The following NLRC5 variants were observed in gnomAD, a reference collection of about 807,000 sequenced individuals.
NLRC5 encodes the protein protein NLRC5.
Under a neutral mutation model 206.9 loss-of-function variants are expected in NLRC5, and 114 were observed. The observed-to-expected ratio is 0.55, with a 90% confidence interval of 0.47 to 0.64. The LOEUF (loss-of-function observed/expected upper bound fraction) is 0.64. NLRC5 is among the 30% of genes least tolerant of loss of function. NLRC5 has a pLI of 0.00. For synonymous variants in NLRC5, 952 were observed against 962.8 expected, an observed-to-expected ratio of 0.99 and a Z score of 0.21; for missense variants, 2,008 against 2,305.5, an observed-to-expected ratio of 0.87 and a Z score of 2.64.
At chr16:57,018,247 G>A (rs1411959833) in intron 2 of NLRC5, among the ~76,000 whole-genome samples, 2 of 151,412 alleles carry the variant, frequency 1.3e-5, no homozygotes, top group Non-Finnish European at 2.9e-5. Flanking sequence ...TCCTTTTGCC[G>A]AGATCACACA....
At position 57,026,550 on chromosome 16, in the gene NLRC5, C is replaced by CACT. The variant is rs1243047148; in HGVS notation, c.1608_1610dup (p.Leu537dup). 1 of 1,614,230 alleles carries CACT rather than the reference C, an allele frequency of 6.2e-7. No homozygotes were observed. The highest frequency in any genetic ancestry group is 1.1e-5 in the South Asian group (1 of 91,086). On this transcript the variant is annotated inframe_insertion, in exon 6 of 49. Coordinates refer to ENST00000688547, the MANE Select transcript of NLRC5 (RefSeq NM_001384950.1). ...GCCAGCCCCAAGGTGAACAAAGACA[C>CACT]ACTTACCCAGTATGTTACCCTCCAT...
chr16:57,047,613 G>T lies in NLRC5; in HGVS notation c.3407G>T (p.Gly1136Val). The change falls in exon 23 of 49, where the codon GGA (glycine) becomes GTA (valine). Residue 1136 changes from glycine to valine, a missense_variant. Coordinates refer to ENST00000688547, the MANE Select transcript of NLRC5 (RefSeq NM_001384950.1). ...RLCATLKDCPGPLELQLSCEF... is the reference protein window; with the variant it reads ...RLCATLKDCPVPLELQLSCEF... ...TGTGCCACTCTGAAGGACTGCCCGG[G>T]ACCCCTGGAACTGCAGTAAGTAACG... The T allele has an allele frequency of 1.2e-6, 2 of 1,613,244 alleles. No homozygotes were observed. Among genetic ancestry groups the T allele is most frequent in the Non-Finnish European group, 1.7e-6 (2 of 1,179,630 alleles).
intron 17 of NLRC5, 29 bp downstream of exon 17, chr16:57,040,747 T>C: frequency 6.2e-7 from 1 of 1,608,482 alleles, no homozygotes; most frequent in Non-Finnish European, 8.5e-7. Flanking sequence ...GCCCTGTGTG[T>C]GATTCCAGCC....
intron 27 of NLRC5, among the ~76,000 whole-genome samples, 166 bp from the exon 28 acceptor site, chr16:57,057,899 G>GTGGTGATGGTGGTGATAC (rs1165099413): frequency 3.3e-5 from 5 of 151,986 alleles, no homozygotes; most frequent in Non-Finnish European, 5.9e-5. Flanking sequence ...ATTGGTGGTG[G>GTGGTGATGGTGGTGATAC]TGGTGATGGT....
chr16:57,046,665 T>C, intron 22 of NLRC5, 24 bp downstream of exon 22: 2 of 1,602,354 alleles, frequency 1.2e-6, no homozygotes, highest in Non-Finnish European at 1.7e-6. Flanking sequence ...CCTTCTTGTT[T>C]GGGGGTAACC....
At chr16:57,077,475 C>T in intron 41 of NLRC5, 96 bp downstream of exon 41, 1 of 1,195,668 alleles carries the variant, frequency 8.4e-7, no homozygotes, top group Non-Finnish European at 1.2e-6. Context: ...TAAAATCTCC[C>T]CTGCGCCAAC....
rs1428109693 is a variant in NLRC5 at position 57,029,777 on chromosome 16, C to T, written c.2248C>T (p.Arg750Trp). ...TGGGCCTTGGTCTCCTCGCAGTTTT[C>T]GGGACAACCAGCTCAGTGACCAGGT... Reference protein sequence around the residue: ...LCPQLKEVSFRDNQLSDQVVL... With the variant: ...LCPQLKEVSFWDNQLSDQVVL... The change falls in exon 9 of 49, where the codon CGG (arginine) becomes TGG (tryptophan). Residue 750 changes from arginine (R) to tryptophan (W), a missense_variant. Coordinates refer to ENST00000688547, the MANE Select transcript of NLRC5 (RefSeq NM_001384950.1). 5.0e-6 allele frequency: 8 copies of T among 1,614,086 alleles called. No individual in the cohort carries two copies. The highest frequency in any genetic ancestry group is 1.3e-5 in the African/African-American group (1 of 75,042).
intron 1 of NLRC5, among the ~76,000 whole-genome samples, chr16:57,014,451 C>T (rs895083676): frequency 6.6e-6 from 1 of 152,118 alleles, no homozygotes; most frequent in Non-Finnish European, 1.5e-5. Flanking sequence ...GATAGAATTG[C>T]CTTTATTCGT....
At chr16:57,063,248 G>C (rs1353052786) in intron 32 of NLRC5, among the ~76,000 whole-genome samples, 1 of 151,652 alleles carries the variant, frequency 6.6e-6, no homozygotes, top group African/African-American at 2.4e-5. Flanking sequence ...GAGTAGCTGG[G>C]ATTACAGGCG....
chr16:57,044,311 A>AAAAAG (rs1555528755), intron 20 of NLRC5, among the ~76,000 whole-genome samples: 1 of 151,538 alleles, frequency 6.6e-6, no homozygotes, highest in Non-Finnish European at 1.5e-5. Flanking sequence ...TCTCAAAAAA[A>AAAAAG]AAAAGAAAAG....
At chr16:56,992,877 T>TTA (rs749336074) in intron 1 of NLRC5, among the ~76,000 whole-genome samples, 1 of 89,852 alleles carries the variant, frequency 1.1e-5, no homozygotes, top group Non-Finnish European at 3.0e-5. Context: ...TTAAATCTTA[T>TTA]TATATCATGT....
rs376682731 is a variant in NLRC5 at position 57,074,627 on chromosome 16, C to T, written c.4695C>T (p.Ser1565=). The change falls in exon 39 of 49, where the codon TCC becomes TCT. Residue 1565 remains serine, a synonymous_variant. Coordinates refer to ENST00000688547, the MANE Select transcript of NLRC5 (RefSeq NM_001384950.1). ...LDLSHLLLNS[S]TLALLTHRLS... ...TCAGTCACCTTCTGCTGAACAGCTC[C>T]ACCTTGGCCTTGCTTACTCACAGAC... 3 of 1,613,882 alleles carry T rather than the reference C, an allele frequency of 1.9e-6. No individual in the cohort carries two copies. The highest frequency in any genetic ancestry group is 2.5e-6 in the Non-Finnish European group (3 of 1,179,892).
chr16:57,044,116 G>A lies in NLRC5; in HGVS notation c.3203+512G>A, dbSNP rs140418286. On this transcript the variant is annotated intron_variant, in intron 20 of 48. Coordinates refer to ENST00000688547, the MANE Select transcript of NLRC5 (RefSeq NM_001384950.1). ...GAGTTTGAGAACAGCCTGGCCAACA[G>A]GGTGAAACCCTGTCTCTGCTAAAAA... Among the ~76,000 whole-genome samples, 1,011 of 150,338 alleles carry A rather than the reference G, an allele frequency of 6.7e-3. 13 individuals are homozygous for A. Among genetic ancestry groups the A allele is most frequent in the African/African-American group, 0.018 (719 of 40,764 alleles).
chr16:57,012,375 C>T (rs980098021), intron 1 of NLRC5, among the ~76,000 whole-genome samples: 3 of 152,092 alleles, frequency 2.0e-5, no homozygotes, highest in South Asian at 2.1e-4. Context: ...TAGACCTAGG[C>T]GTGGAATTGC....
chr16:57,074,376 G>T, intron 38 of NLRC5: 1 of 475,748 alleles, frequency 2.1e-6, no homozygotes, highest in Non-Finnish European at 3.9e-6. Flanking sequence ...TGGTCCATGT[G>T]GTTCAGAACA....
At position 57,026,137 on chromosome 16, in the gene NLRC5, T is replaced by C. The variant is rs773426435; in HGVS notation, c.1194T>C (p.Arg398=). ...TGGTGGAGTTACAGACAAATGGACG[T>C]CTCCGAAGCCTGTGTGCGGTGCCCG... The part of the protein sequence containing the change: ...GALVELQTNG[R]LRSLCAVPAL... Residue 398 remains arginine (R), a synonymous_variant, in exon 6 of 49, where the codon CGT becomes CGC. Transcript: ENST00000688547. 2 of 1,613,966 alleles carry C rather than the reference T, an allele frequency of 1.2e-6. No individual in the cohort carries two copies. Among genetic ancestry groups the C allele is most frequent in the African/African-American group, 1.3e-5 (1 of 74,942 alleles).
At position 57,013,150 on chromosome 16, in the gene NLRC5, G is replaced by T. The variant is rs2059675121; in HGVS notation, c.-127-3924G>T. 1.1e-5 allele frequency: 4 copies of T among 348,416 alleles called. No homozygotes were observed. In the South Asian group the frequency reaches 1.1e-4, roughly 10 times the overall value. 21.6% of individuals were successfully genotyped at this position (348,416 alleles called of 1,614,324 possible). On this transcript the variant is annotated intron_variant, in intron 1 of 48. Transcript: ENST00000688547. ...TTTATTCAACTCAAAATCTTCATAGGATTTAGAAAATTTAAGTCCTTTACC... is the reference window on the plus strand; with the variant it reads ...TTTATTCAACTCAAAATCTTCATAGTATTTAGAAAATTTAAGTCCTTTACC...
intron 34 of NLRC5, 76 bp downstream of exon 34, chr16:57,066,690 C>A: frequency 7.8e-7 from 1 of 1,290,316 alleles, no homozygotes; most frequent in Non-Finnish European, 1.1e-6. Context: ...GACCAATATT[C>A]ACCACCCTGC....
chr16:57,080,262 G>A (rs1235161686), intron 46 of NLRC5, among the ~76,000 whole-genome samples: 4 of 152,188 alleles, frequency 2.6e-5, no homozygotes, highest in South Asian at 4.1e-4. Context: ...ACACCAAAGC[G>A]AAAGTCTCAG....
Sources: gnomAD v4.1 joint callset for allele counts (sites outside exome capture counted in the v4.1 genomes callset) on GRCh38, gnomAD v4.1.1 for gene constraint, MANE v1.5 for transcripts, NCBI Gene and HGNC (gene_info 2026-07-23, HGNC 2026-07-21) for gene names.